WDR72: variants seen among roughly 807,000 people sequenced by gnomAD.
The protein encoded by WDR72 is WD repeat-containing protein 72.
Under a neutral mutation model 124.2 loss-of-function variants are expected in WDR72, and 120 were observed. That is an observed-to-expected ratio of 0.97 (90% CI 0.83 to 1.12). The LOEUF is 1.12. Among genes scored for constraint, WDR72 ranks in the 50% most tolerant of loss-of-function variants. The pLI, the probability that WDR72 is intolerant of heterozygous loss-of-function variation, is 0.00. For synonymous variants in WDR72, 452 were observed against 441.7 expected (o/e 1.02, Z -0.29); for missense variants, 1,387 against 1,278.8 (o/e 1.08, Z -1.29).
intron 1 of WDR72, among the ~76,000 whole-genome samples, chr15:53,755,248 T>G (rs1677727844): frequency 6.6e-6 from 1 of 152,218 alleles, no homozygotes; most frequent in South Asian, 2.1e-4. Context: ...AAAATGCATA[T>G]AAAGAAGATA....
At chr15:53,539,347 T>C (rs1029800662) in intron 18 of WDR72, among the ~76,000 whole-genome samples, 4 of 152,150 alleles carry the variant, frequency 2.6e-5, no homozygotes, top group Admixed American at 1.3e-4. Context: ...ATGATGGTTA[T>C]AGAAATATGG....
At chr15:53,665,546 T>G in intron 14 of WDR72, 26 bp downstream of exon 14, 1 of 1,613,308 alleles carries the variant, frequency 6.2e-7, no homozygotes, top group East Asian at 2.2e-5. Flanking sequence ...ATGTTCTTTG[T>G]GAACAACAGC....
At chr15:53,686,033 C>A (rs1181249823) in intron 13 of WDR72, among the ~76,000 whole-genome samples, 2 of 149,776 alleles carry the variant, frequency 1.3e-5, no homozygotes, top group African/African-American at 5.0e-5. Context: ...CACCACCAGG[C>A]CTGCCTTACA....
At chr15:53,717,010 T>C (rs111406319) in intron 3 of WDR72, among the ~76,000 whole-genome samples, 4 of 152,268 alleles carry the variant, frequency 2.6e-5, no homozygotes, top group African/African-American at 9.6e-5. Flanking sequence ...CTCTTGAAAA[T>C]GCTTTATTTC....
chr15:53,730,687 C>A (rs577445452), intron 2 of WDR72, among the ~76,000 whole-genome samples: 6 of 152,154 alleles, frequency 3.9e-5, no homozygotes, highest in Non-Finnish European at 8.8e-5. Context: ...CCTACGGTGA[C>A]TCAGTCAACC....
At chr15:53,688,296 T>C (rs1305617465) in intron 13 of WDR72, among the ~76,000 whole-genome samples, 1 of 148,768 alleles carries the variant, frequency 6.7e-6, no homozygotes, top group African/African-American at 2.6e-5. Context: ...GACGACATGA[T>C]TGTATATCTA....
intron 4 of WDR72, among the ~76,000 whole-genome samples, chr15:53,715,581 G>C (rs998098037): frequency 2.0e-5 from 3 of 152,164 alleles, no homozygotes; most frequent in Non-Finnish European, 2.9e-5. Flanking sequence ...GGGAAAGAGA[G>C]ATCGCTTGGA....
At chr15:53,591,413 G>A (rs751743243) in intron 18 of WDR72, among the ~76,000 whole-genome samples, 2 of 151,848 alleles carry the variant, frequency 1.3e-5, no homozygotes, top group Non-Finnish European at 2.9e-5. Flanking sequence ...ATATCAAATC[G>A]CCAACACTCC....
chr15:53,732,061 G>A (rs1287579462), intron 2 of WDR72, among the ~76,000 whole-genome samples: 1 of 152,088 alleles, frequency 6.6e-6, no homozygotes, highest in Non-Finnish European at 1.5e-5. Flanking sequence ...AATTTTCAAA[G>A]GGAGCCACTA....
chr15:53,710,903 G>C lies in WDR72; in HGVS notation c.908C>G (p.Thr303Ser). 1.2e-6 allele frequency: 2 copies of C among 1,613,832 alleles called. No homozygotes were observed. The highest frequency in any genetic ancestry group is 1.7e-6 in the Non-Finnish European group (2 of 1,179,862). Residue 303 changes from threonine (T) to serine (S), a missense_variant, in exon 9 of 20, where the codon ACC (threonine) becomes AGC (serine). Coordinates refer to ENST00000360509, the MANE Select transcript of WDR72 (RefSeq NM_182758.4). ...AGAGCACAGTAAATGAGGATAAATG[G>C]TCTCTTTAAGCACTCTTCCATCAGC... ...YPADGRVLKE[T>S]IYPHLLCSTS... is the part of the protein sequence containing the mutation.
Position 53,515,662 on chromosome 15 carries a change from C to A in WDR72, c.*2037G>T, listed in dbSNP as rs1329420716. 6.6e-6 allele frequency: 1 copy of A among 152,036 alleles called. No individual in the cohort carries two copies. Among genetic ancestry groups the A allele is most frequent in the Non-Finnish European group, 1.5e-5 (1 of 67,984 alleles). The allele number at this position is 152,036 out of a possible 1,614,324, so 9.4% of individuals were successfully genotyped here. On this transcript the variant is annotated 3_prime_UTR_variant, in exon 20 of 20. Transcript: ENST00000360509. Reference sequence around the variant, plus strand: ...ATTCTAACATGCGATGCCGAAAAATCCTAACATTTCCACTTAGTAATGTCA... The same window carrying A: ...ATTCTAACATGCGATGCCGAAAAATACTAACATTTCCACTTAGTAATGTCA...
chr15:53,659,913 A>AATGAT (rs2015552962), intron 14 of WDR72, among the ~76,000 whole-genome samples: 1 of 152,110 alleles, frequency 6.6e-6, no homozygotes, highest in Non-Finnish European at 1.5e-5. Context: ...TTTAGGTACT[A>AATGAT]CAGTTTTAAG....
chr15:53,757,486 G>A (rs2018940410), intron 1 of WDR72, among the ~76,000 whole-genome samples: 1 of 152,054 alleles, frequency 6.6e-6, no homozygotes, highest in African/African-American at 2.4e-5. Context: ...AGCCAGGCAT[G>A]GTGGCAGGCA....
At chr15:53,610,203 G>A (rs1395897263) in intron 16 of WDR72, among the ~76,000 whole-genome samples, 1 of 152,072 alleles carries the variant, frequency 6.6e-6, no homozygotes, top group Non-Finnish European at 1.5e-5. Context: ...TTGCCTTAAT[G>A]TTCAGTGTGA....
At chr15:53,657,147 C>T (rs2015453102) in intron 14 of WDR72, among the ~76,000 whole-genome samples, 1 of 150,572 alleles carries the variant, frequency 6.6e-6, no homozygotes, top group South Asian at 2.1e-4. Context: ...ACTTGTAGTC[C>T]CAGCTACTCG....
At chr15:53,568,722 C>G (rs1026984110) in intron 18 of WDR72, among the ~76,000 whole-genome samples, 30 of 152,022 alleles carry the variant, frequency 2.0e-4, no homozygotes, top group African/African-American at 7.0e-4. Context: ...AAAAGGACCA[C>G]TGATCATCTC....
At chr15:53,678,700 A>G (rs1442367060) in intron 13 of WDR72, among the ~76,000 whole-genome samples, 2 of 152,206 alleles carry the variant, frequency 1.3e-5, no homozygotes, top group Non-Finnish European at 2.9e-5. Context: ...CCTGTCTGGT[A>G]AAGACCCCAG....
At chr15:53,567,545 A>G (rs4776157) in intron 18 of WDR72, among the ~76,000 whole-genome samples, 124,963 of 151,806 alleles carry the variant, frequency 0.82, 51,582 homozygotes, top group Middle Eastern at 0.89. Flanking sequence ...TGCATATCCG[A>G]GAGAGATGAG....
At chr15:53,619,648 C>A (rs1021120779) in intron 14 of WDR72, among the ~76,000 whole-genome samples, 3 of 151,956 alleles carry the variant, frequency 2.0e-5, no homozygotes, top group Non-Finnish European at 4.4e-5. Context: ...GGTATCCCAT[C>A]CGACTTCCTA....
Sources: allele counts gnomAD v4.1 joint callset (sites outside exome capture counted in the v4.1 genomes callset), GRCh38; gene constraint gnomAD v4.1.1; transcripts MANE v1.5; gene names NCBI Gene and HGNC (gene_info 2026-07-23, HGNC 2026-07-21).